The following TCL1A variants were observed in gnomAD, a reference collection of about 807,000 sequenced individuals.
TCL1A encodes the protein TCL1 family AKT coactivator A.
A neutral mutation model predicts 16.9 loss-of-function variants in TCL1A; 9 were observed. The observed-to-expected ratio is 0.53, with a 90% CI of 0.32 to 0.93. The LOEUF (loss-of-function observed/expected upper bound fraction) is 0.93. Ranked by LOEUF, TCL1A falls within the 40% of genes least tolerant of loss-of-function variation. The pLI is 0.04. For synonymous variants in TCL1A, 69 were observed against 63.2 expected (o/e 1.09, Z -0.44); for missense variants, 139 against 153.0 (o/e 0.91, Z 0.48).
chr14:95,711,572 G>A lies in TCL1A; in HGVS notation c.*6+177C>T, dbSNP rs113327601. 1.8e-4 allele frequency: 113 copies of A among 624,072 alleles called. No individual in the cohort carries two copies. In the African/African-American group the frequency reaches 1.9e-3, roughly 11 times the overall value. 38.7% of individuals were successfully genotyped at this position (624,072 alleles called of 1,614,324 possible). On this transcript the variant is annotated intron_variant, in intron 3 of 3. Coordinates refer to ENST00000402399, the MANE Select transcript of TCL1A (RefSeq NM_021966.3). ...AAAGGGGGCTGCCTACAAAGCCCTT[G>A]GCTCCCGAAGTGGTAAGGGAGACAT...
intron 1 of TCL1A, among the ~76,000 whole-genome samples, chr14:95,713,602 T>C (rs571356991): frequency 1.3e-5 from 2 of 152,292 alleles, no homozygotes; most frequent in African/African-American, 2.4e-5. Context: ...CCACCTGAGA[T>C]GATTCCGATA....
chr14:95,711,031 C>T (rs1182927739), intron 3 of TCL1A, 150 bp from the exon 4 acceptor site: 2 of 152,184 alleles, frequency 1.3e-5, no homozygotes, highest in Admixed American at 6.5e-5. Flanking sequence ...AATTCTGACA[C>T]CTGGGTCTGT....
chr14:95,712,647 C>A (rs1886391555), intron 1 of TCL1A: 10 of 1,455,936 alleles, frequency 6.9e-6, no homozygotes, highest in Non-Finnish European at 9.1e-6. Flanking sequence ...CCATGAAAGG[C>A]ACACTTTTTT....
Position 95,709,996 on chromosome 14 carries a change from C to T in TCL1A, c.*892G>A, listed in dbSNP as rs1886298460. On this transcript the variant is annotated 3_prime_UTR_variant, in exon 4 of 4. Coordinates refer to ENST00000402399, the MANE Select transcript of TCL1A (RefSeq NM_021966.3). ...TGAATATTTTTTATTTGGGGGCTGC[C>T]TATTCTCACTTCTCTCCACCAGAAT... 6.6e-6 allele frequency: 1 copy of T among 152,178 alleles called. No individual in the cohort carries two copies. Among genetic ancestry groups the T allele is most frequent in the South Asian group, 2.1e-4 (1 of 4,826 alleles). The allele number at this position is 152,178 out of a possible 1,614,324, so 9.4% of individuals were successfully genotyped here.
intron 2 of TCL1A, 129 bp downstream of exon 2, chr14:95,712,091 A>G: frequency 8.3e-7 from 1 of 1,199,864 alleles, no homozygotes; most frequent in Non-Finnish European, 1.2e-6. Flanking sequence ...AGAAATCTGC[A>G]CTTGTACATT....
chr14:95,713,917 C>T (rs937589682), intron 1 of TCL1A, 30 bp downstream of exon 1: 4 of 1,610,670 alleles, frequency 2.5e-6, no homozygotes, highest in Non-Finnish European at 2.5e-6. Flanking sequence ...GCCCCTGCTG[C>T]CTCGCCATCC....
chr14:95,712,347 A>T lies in TCL1A; in HGVS notation c.170T>A (p.Val57Asp), dbSNP rs763913610. 2 of 1,613,862 alleles carry T rather than the reference A, an allele frequency of 1.2e-6. No homozygotes were observed. The highest frequency in any genetic ancestry group is 1.7e-6 in the Non-Finnish European group (2 of 1,179,802). The change falls in exon 2 of 4, where the codon GTC becomes GAC. Residue 57 changes from valine (V) to aspartate (D), a missense_variant. Coordinates refer to ENST00000402399, the MANE Select transcript of TCL1A (RefSeq NM_021966.3). ...LRVLLRREDV[V>D]LGRPMTPTQI... ...GGTGGGGGTCATAGGCCTCCCCAGG[A>T]CGACGTCTTCCCGACGCAAGAGCAC...
In TCL1A at chr14:95,712,192, G is replaced by C. The variant is rs763228152; in HGVS notation, c.297+28C>G. 1.1e-5 allele frequency: 17 copies of C among 1,613,602 alleles called. No individual in the cohort carries two copies. The East Asian group carries it at 3.8e-4, about 36-fold the overall frequency. On this transcript the variant is annotated intron_variant, in intron 2 of 3. Transcript: ENST00000402399. ...GAGGAGGGCAAACCCAAGATCACCC[G>C]ATGGACCTCTGGGAGAAAGACACTC...
intron 1 of TCL1A, chr14:95,712,624 C>T (rs1886389972): frequency 2.7e-6 from 4 of 1,483,738 alleles, no homozygotes; most frequent in African/African-American, 1.4e-5. Context: ...CGTGTCTAGC[C>T]ACCCAGACAG....
At chr14:95,713,374 T>C (rs2139722563) in intron 1 of TCL1A, among the ~76,000 whole-genome samples, 1 of 152,312 alleles carries the variant, frequency 6.6e-6, no homozygotes, top group African/African-American at 2.4e-5. Context: ...TAACAAAAAC[T>C]TAACATGGAT....
At chr14:95,712,585 T>C in intron 1 of TCL1A, 189 bp from the exon 2 acceptor site, 4 of 1,482,314 alleles carry the variant, frequency 2.7e-6, no homozygotes, top group Non-Finnish European at 3.6e-6. Flanking sequence ...TCAGGGACTC[T>C]GGCTGGGCCA....
chr14:95,713,693 T>G (rs183644040), intron 1 of TCL1A, among the ~76,000 whole-genome samples: 1 of 152,182 alleles, frequency 6.6e-6, no homozygotes. Flanking sequence ...CCTGCTGTAG[T>G]CAACATTATA....
At chr14:95,713,519 A>T (rs554779494) in intron 1 of TCL1A, among the ~76,000 whole-genome samples, 2 of 152,348 alleles carry the variant, frequency 1.3e-5, no homozygotes, top group Admixed American at 6.5e-5. Context: ...TTCACACTCT[A>T]GGCCAGTGTT....
At position 95,712,342 on chromosome 14, in the gene TCL1A, C is replaced by G. The variant is rs1327139243; in HGVS notation, c.175G>C (p.Gly59Arg). The G allele has an allele frequency of 1.2e-6, 2 of 1,613,764 alleles. No homozygotes were observed. The highest frequency in any genetic ancestry group is 8.5e-7 in the Non-Finnish European group (1 of 1,179,848). Residue 59 changes from glycine (G) to arginine (R), a missense_variant, in exon 2 of 4, where the codon GGG becomes CGG. Physicochemically the swap from Gly to Arg is moderately radical, Grantham distance 125. Coordinates refer to ENST00000402399, the MANE Select transcript of TCL1A (RefSeq NM_021966.3). ...ATCTGGGTGGGGGTCATAGGCCTCCCCAGGACGACGTCTTCCCGACGCAAG... is the reference window on the plus strand; with the variant it reads ...ATCTGGGTGGGGGTCATAGGCCTCCGCAGGACGACGTCTTCCCGACGCAAG... Reference protein sequence around the residue: ...VLLRREDVVLGRPMTPTQIGP... With the variant: ...VLLRREDVVLRRPMTPTQIGP...
Position 95,710,732 on chromosome 14 carries a change from C to T in TCL1A, c.*156G>A, listed in dbSNP as rs550790415. On this transcript the variant is annotated 3_prime_UTR_variant, in exon 4 of 4. Transcript: ENST00000402399. ...CAGGTCCTGCAGGCCCTGGGTAGAG[C>T]TCATCCTCTGTCTGTCCATTCCTCC... The T allele has an allele frequency of 6.6e-6, 1 of 152,582 alleles. No homozygotes were observed. Among genetic ancestry groups the T allele is most frequent in the East Asian group, 1.9e-4 (1 of 5,192 alleles). 9.5% of individuals were successfully genotyped at this position (152,582 alleles called of 1,614,324 possible).
At position 95,710,277 on chromosome 14, in the gene TCL1A, C is replaced by T. The variant is rs1381636333; in HGVS notation, c.*611G>A. ...ATGTGGACCACTGACCCAGAGGCTT[C>T]TGAGTCCTGAGCACAGATAAGGGCT... On this transcript the variant is annotated 3_prime_UTR_variant, in exon 4 of 4. Transcript: ENST00000402399. The T allele has an allele frequency of 6.6e-6, 1 of 152,550 alleles. No individual in the cohort carries two copies. The highest frequency in any genetic ancestry group is 1.5e-5 in the Non-Finnish European group (1 of 68,296). 9.4% of individuals were successfully genotyped at this position (152,550 alleles called of 1,614,324 possible). A position where few individuals can be genotyped will look rare whatever the true frequency, so the allele number is the denominator to read the frequency against.
intron 1 of TCL1A, chr14:95,712,873 G>A: frequency 8.9e-6 from 3 of 336,564 alleles, no homozygotes; most frequent in South Asian, 7.9e-5. Flanking sequence ...GTTTGCTAGT[G>A]GGTTATTTTT....
intron 1 of TCL1A, among the ~76,000 whole-genome samples, chr14:95,713,475 T>G (rs561040302): frequency 1.3e-5 from 2 of 152,318 alleles, no homozygotes; most frequent in Non-Finnish European, 1.5e-5. Context: ...TTAAATTTGT[T>G]TTCTAAATAA....
chr14:95,713,889 C>A (rs1886481091), intron 1 of TCL1A, 58 bp downstream of exon 1: 1 of 1,601,248 alleles, frequency 6.2e-7, no homozygotes, highest in Admixed American at 1.7e-5. Context: ...CCTAGGGCAT[C>A]CCAAGCTCCC....
Sources: gnomAD v4.1 joint callset for allele counts (sites outside exome capture counted in the v4.1 genomes callset) on GRCh38, gnomAD v4.1.1 for gene constraint, MANE v1.5 for transcripts, NCBI Gene and HGNC (gene_info 2026-07-23, HGNC 2026-07-21) for gene names.